The following IQCH variants were observed in gnomAD, a reference collection of about 807,000 sequenced individuals.
IQCH encodes IQ motif containing H.
A neutral mutation model predicts 117.0 loss-of-function variants in IQCH; 98 were observed. The observed-to-expected ratio is 0.84, with a 90% CI of 0.71 to 0.99. The LOEUF is 0.99. IQCH is among the 50% of genes least tolerant of loss of function. The pLI is 0.00. For synonymous variants in IQCH, 412 were observed against 448.2 expected (o/e 0.92, Z 1.02); for missense variants, 1,102 against 1,243.8 (o/e 0.89, Z 1.72).
rs1219783089 is a variant in IQCH at position 67,356,499 on chromosome 15, TC to T, written c.638-844del. 1.3e-5 allele frequency among the ~76,000 whole-genome samples: 2 copies of T among 152,182 alleles called. No homozygotes were observed. The highest frequency in any genetic ancestry group is 4.8e-5 in the African/African-American group (2 of 41,450). Reference sequence around the variant, plus strand: ...TGAGATTCTAAATTATATATTGATATCCTTTACTAGCATGCTGTTTTTGATC... The same window carrying T: ...TGAGATTCTAAATTATATATTGATATCTTTACTAGCATGCTGTTTTTGATC... On this transcript the variant is annotated intron_variant, in intron 6 of 20. Transcript: ENST00000335894. The surrounding 1 kb of genome is among the most constrained non-coding windows in gnomAD (Gnocchi z 5.3).
In IQCH at chr15:67,475,612, G is replaced by C. The variant is rs570383463; in HGVS notation, c.2677-84G>C. On this transcript the variant is annotated intron_variant, in intron 17 of 20. Coordinates refer to ENST00000335894, the MANE Select transcript of IQCH (RefSeq NM_001031715.3). This position sits in a 1 kb window ranked among gnomAD's most constrained non-coding sequence, Gnocchi z 5.7. ...TATAGGAACTCTCAGAATTATCTTC[G>C]CAATTTTCCTGTTAATCTCAAGTAT... 2 of 1,252,716 alleles carry C rather than the reference G, an allele frequency of 1.6e-6. No individual in the cohort carries two copies. Among genetic ancestry groups the C allele is most frequent in the African/African-American group, 3.0e-5 (2 of 66,810 alleles). 77.6% of individuals were successfully genotyped at this position (1,252,716 alleles called of 1,614,324 possible). A position where few individuals can be genotyped will look rare whatever the true frequency, so the allele number is the denominator to read the frequency against.
intron 5 of IQCH, among the ~76,000 whole-genome samples, chr15:67,340,449 A>C (rs1011885479): frequency 1.2e-3 from 174 of 145,256 alleles, no homozygotes; most frequent in African/African-American, 2.1e-3. Flanking sequence ...AAAAAAAAAA[A>C]AAAAAAAAAA....
In IQCH at chr15:67,385,149, A is replaced by T. The variant is rs1971070585; in HGVS notation, c.1456+130A>T. 1.8e-6 allele frequency: 1 copy of T among 552,928 alleles called. No individual in the cohort carries two copies. The highest frequency in any genetic ancestry group is 3.3e-6 in the Non-Finnish European group (1 of 306,854). 34.3% of individuals were successfully genotyped at this position (552,928 alleles called of 1,614,324 possible). On this transcript the variant is annotated intron_variant, in intron 11 of 20. Transcript: ENST00000335894. The surrounding 1 kb of genome is among the most constrained non-coding windows in gnomAD (Gnocchi z 4.6). ...TACAAGGAAAAAGCTCAGATGTTTA[A>T]TCTACTTACAGGGCAATTAAATGTT...
Position 67,494,254 on chromosome 15 carries a change from A to G in IQCH, c.2862-4A>G. 8.7e-6 allele frequency: 14 copies of G among 1,603,394 alleles called. No individual in the cohort carries two copies. Among genetic ancestry groups the G allele is most frequent in the Non-Finnish European group, 1.2e-5 (14 of 1,176,112 alleles). ...AAACTCATTTGTTTGGATATCATTA[A>G]CAGAACAATCGGCGAGGATCTCCAG... On this transcript the variant is annotated splice_polypyrimidine_tract_variant and splice_region_variant and intron_variant, in intron 19 of 20. Transcript: ENST00000335894. This position sits in a 1 kb window ranked among gnomAD's most constrained non-coding sequence, Gnocchi z 5.5.
chr15:67,431,654 T>C lies in IQCH; in HGVS notation c.2505+10077T>C, dbSNP rs1158231155. 2.6e-5 allele frequency among the ~76,000 whole-genome samples: 4 copies of C among 152,100 alleles called. No individual in the cohort carries two copies. Among genetic ancestry groups the C allele is most frequent in the Non-Finnish European group, 5.9e-5 (4 of 68,024 alleles). On this transcript the variant is annotated intron_variant, in intron 16 of 20. Transcript: ENST00000335894. The surrounding 1 kb of genome is among the most constrained non-coding windows in gnomAD (Gnocchi z 4.8). Reference sequence around the variant, plus strand: ...CTTAAAAGTTAAAAAAAAACACACATTGTTCTTTATATTTCACAGGAAATT... The same window carrying C: ...CTTAAAAGTTAAAAAAAAACACACACTGTTCTTTATATTTCACAGGAAATT...
intron 5 of IQCH, among the ~76,000 whole-genome samples, chr15:67,338,392 T>G (rs1014500867): frequency 2.0e-5 from 3 of 152,226 alleles, no homozygotes; most frequent in Admixed American, 1.3e-4. Flanking sequence ...TACTGTCATA[T>G]TAGGGATTAA....
intron 3 of IQCH, among the ~76,000 whole-genome samples, chr15:67,277,058 T>A (rs969057877): frequency 7.9e-5 from 12 of 152,250 alleles, no homozygotes; most frequent in African/African-American, 2.7e-4. Flanking sequence ...TCAAGATCAC[T>A]GATTTTGTTT....
Position 67,395,065 on chromosome 15 carries a change from G to T in IQCH, c.1633-226G>T, listed in dbSNP as rs1971417774. Among the ~76,000 whole-genome samples the T allele has an allele frequency of 6.6e-6, 1 of 152,084 alleles. No individual in the cohort carries two copies. The highest frequency in any genetic ancestry group is 2.1e-4 in the South Asian group (1 of 4,830). The stretch of plus-strand genomic sequence containing the variant: ...TGGATCAAATAAATACAGACGTGTA[G>T]TAATTAGTTCTATTCCCAGTGAGCC... On this transcript the variant is annotated intron_variant, in intron 12 of 20. Coordinates refer to ENST00000335894, the MANE Select transcript of IQCH (RefSeq NM_001031715.3). This position sits in a 1 kb window ranked among gnomAD's most constrained non-coding sequence, Gnocchi z 4.0.
At chr15:67,486,386 T>G (rs1413302423) in intron 18 of IQCH, among the ~76,000 whole-genome samples, 1 of 152,090 alleles carries the variant, frequency 6.6e-6, no homozygotes, top group Non-Finnish European at 1.5e-5. Flanking sequence ...GAACATAATT[T>G]TAAAGTATTG....
intron 10 of IQCH, among the ~76,000 whole-genome samples, chr15:67,379,298 CTTT>C (rs1970841674): frequency 6.6e-6 from 1 of 152,132 alleles, no homozygotes; most frequent in Admixed American, 6.5e-5. Context: ...GTATATTCTT[CTTT>C]GACTTTATAC....
chr15:67,255,518 A>G (rs1965129078), intron 1 of IQCH, among the ~76,000 whole-genome samples: 2 of 152,366 alleles, frequency 1.3e-5, no homozygotes, highest in South Asian at 4.1e-4. Context: ...AGTCTTGTCC[A>G]ATACAGCTCA....
rs924529692 is a variant in IQCH at position 67,366,028 on chromosome 15, A to T, written c.754-6083A>T. ...GTTCTTTAGTGATTTGGATCAAGGA[A>T]CGTACTAGATCCACATTTTTCTCAG... On this transcript the variant is annotated intron_variant, in intron 8 of 20. Coordinates refer to ENST00000335894, the MANE Select transcript of IQCH (RefSeq NM_001031715.3). This position sits in a 1 kb window ranked among gnomAD's most constrained non-coding sequence, Gnocchi z 4.4. 7.2e-5 allele frequency among the ~76,000 whole-genome samples: 11 copies of T among 152,226 alleles called. No individual in the cohort carries two copies. The highest frequency in any genetic ancestry group is 2.4e-4 in the African/African-American group (10 of 41,450).
rs1241505304 is a variant in IQCH at position 67,263,137 on chromosome 15, T to G, written c.190T>G (p.Tyr64Asp). 2.0e-6 allele frequency: 3 copies of G among 1,515,292 alleles called. No homozygotes were observed. Among genetic ancestry groups the G allele is most frequent in the Admixed American group, 3.3e-5 (2 of 59,798 alleles). The allele number at this position is 1,515,292 out of a possible 1,614,324, so 93.9% of individuals were successfully genotyped here. A position where few individuals can be genotyped will look rare whatever the true frequency, so the allele number is the denominator to read the frequency against. ...EVGLRIHIEK[Y>D]LNVVNQNVLT... is the part of the protein sequence containing the mutation. ...TCTGTAACAGATTCACATTGAGAAG[T>G]ATTTAAATGTTGTAAACCAGAATGT... The change falls in exon 3 of 21, where the codon TAT (tyrosine) becomes GAT (aspartate). Residue 64 changes from tyrosine to aspartate, a missense_variant. Tyr to Asp is a radical substitution (Grantham distance 160, BLOSUM62 -3). Around this residue, in one of 2 missense-constraint regions of IQCH, gnomAD observed 452 missense variants for 449.6 expected, o/e 1.01. Transcript: ENST00000335894.
chr15:67,370,220 C>T lies in IQCH; in HGVS notation c.754-1891C>T, dbSNP rs911520610. Among the ~76,000 whole-genome samples the T allele has an allele frequency of 1.3e-4, 20 of 152,214 alleles. No individual in the cohort carries two copies. The highest frequency in any genetic ancestry group is 3.3e-4 in the Admixed American group (5 of 15,278). ...ATTTTCATAGATGGTCCTAATTCCA[C>T]ATGTCTCGCTGTGAAGATAAGAAGT... On this transcript the variant is annotated intron_variant, in intron 8 of 20. Coordinates refer to ENST00000335894, the MANE Select transcript of IQCH (RefSeq NM_001031715.3). The surrounding 1 kb of genome is among the most constrained non-coding windows in gnomAD (Gnocchi z 5.6).
intron 16 of IQCH, among the ~76,000 whole-genome samples, chr15:67,452,413 T>A (rs1426472893): frequency 2.6e-5 from 4 of 152,212 alleles, no homozygotes; most frequent in Non-Finnish European, 5.9e-5. Context: ...CTTTTAGGGC[T>A]GGCCTGGTGG....
intron 5 of IQCH, among the ~76,000 whole-genome samples, chr15:67,340,639 AT>A (rs1969128673): frequency 6.6e-6 from 1 of 152,112 alleles, no homozygotes; most frequent in Non-Finnish European, 1.5e-5. Flanking sequence ...GAGTTTCTGA[AT>A]TTGGGAGGTC....
At position 67,366,543 on chromosome 15, in the gene IQCH, C is replaced by G. The variant is rs1970339418; in HGVS notation, c.754-5568C>G. Among the ~76,000 whole-genome samples the G allele has an allele frequency of 6.6e-6, 1 of 152,202 alleles. No individual in the cohort carries two copies. The highest frequency in any genetic ancestry group is 1.5e-5 in the Non-Finnish European group (1 of 68,042). Reference sequence around the variant, plus strand: ...GACTCATTTGAATAAAGATACCTTTCAAAGCAATTGCAGAAATTATTCCTA... The same window carrying G: ...GACTCATTTGAATAAAGATACCTTTGAAAGCAATTGCAGAAATTATTCCTA... On this transcript the variant is annotated intron_variant, in intron 8 of 20. Coordinates refer to ENST00000335894, the MANE Select transcript of IQCH (RefSeq NM_001031715.3). This position sits in a 1 kb window ranked among gnomAD's most constrained non-coding sequence, Gnocchi z 4.4.
At chr15:67,273,610 T>TCTCACC (rs1398229638) in intron 3 of IQCH, among the ~76,000 whole-genome samples, 3 of 152,240 alleles carry the variant, frequency 2.0e-5, no homozygotes, top group Admixed American at 6.5e-5. Flanking sequence ...CTTACATAGT[T>TCTCACC]TTATATTGCC....
Position 67,359,820 on chromosome 15 carries a change from T to TTTTA in IQCH, c.715-27_715-26insTTTA. The TTTTA allele has an allele frequency of 1.9e-6, 3 of 1,596,032 alleles. No homozygotes were observed. The highest frequency in any genetic ancestry group is 2.6e-6 in the Non-Finnish European group (3 of 1,163,544). On this transcript the variant is annotated intron_variant, in intron 7 of 20. Transcript: ENST00000335894. This position sits in a 1 kb window ranked among gnomAD's most constrained non-coding sequence, Gnocchi z 4.5. Reference sequence around the variant, plus strand: ...ATTGCCCATGAGAGTCGTTTTGATTTAAACTGTGTCTCATTCTTCATTGTA... The same window carrying TTTTA: ...ATTGCCCATGAGAGTCGTTTTGATTTTTTAAAACTGTGTCTCATTCTTCATTGTA...
Sources: gnomAD v4.1 joint callset for allele counts (sites outside exome capture counted in the v4.1 genomes callset) on GRCh38, gnomAD v4.1.1 for gene constraint, gnomAD v4.1.1 regional missense constraint, Gnocchi (gnomAD v3.1) non-coding constraint, MANE v1.5 for transcripts, NCBI Gene and HGNC (gene_info 2026-07-23, HGNC 2026-07-21) for gene names.